Variants in PDE3A observed in about 807,000 individuals in gnomAD.
PDE3A encodes phosphodiesterase 3A, also known as cGMP-inhibited 3',5'-cyclic phosphodiesterase 3A.
A neutral mutation model predicts 98.3 loss-of-function variants in PDE3A; 43 were observed. The observed-to-expected ratio is 0.44, with a 90% confidence interval of 0.34 to 0.56. The LOEUF is 0.56. PDE3A is among the 20% of genes least tolerant of loss of function. The probability of loss-of-function intolerance (pLI) is 0.01; values close to 1 mark genes in which losing one functional copy is unlikely to be tolerated. For synonymous variants in PDE3A, 663 were observed against 567.9 expected (o/e 1.17, Z -2.38); for missense variants, 1,427 against 1,440.7 (o/e 0.99, Z 0.15).
intron 1 of PDE3A, among the ~76,000 whole-genome samples, chr12:20,474,673 T>TG (rs1945497791): frequency 6.6e-6 from 1 of 152,178 alleles, no homozygotes; most frequent in African/African-American, 2.4e-5. Flanking sequence ...GCTCCTGGCC[T>TG]CTTCCTCCAT....
Position 20,456,472 on chromosome 12 carries a change from G to C in PDE3A, c.960+86228G>C, listed in dbSNP as rs189690000. Among the ~76,000 whole-genome samples the C allele has an allele frequency of 5.9e-5, 9 of 152,200 alleles. No homozygotes were observed. In the East Asian group the frequency reaches 1.5e-3, roughly 26 times the overall value. On this transcript the variant is annotated intron_variant, in intron 1 of 15. Coordinates refer to ENST00000359062, the MANE Select transcript of PDE3A (RefSeq NM_000921.5). ...ATGCCCCAAATATTGATGGAAACAT[G>C]TATCTCTCTGTATTGCAGCATGAAC... is the stretch of plus-strand genomic sequence containing the variant.
chr12:20,394,532 T>G (rs1943973318), intron 1 of PDE3A, among the ~76,000 whole-genome samples: 1 of 152,074 alleles, frequency 6.6e-6, no homozygotes, highest in South Asian at 2.1e-4. Flanking sequence ...GCACCTGGAA[T>G]TTTTTAACTA....
chr12:20,654,025 G>C lies in PDE3A; in HGVS notation c.3004G>C (p.Glu1002Gln). 1 of 1,614,088 alleles carries C rather than the reference G, an allele frequency of 6.2e-7. No homozygotes were observed. The highest frequency in any genetic ancestry group is 8.5e-7 in the Non-Finnish European group (1 of 1,180,006). The change falls in exon 15 of 16, where the codon GAA becomes CAA. Residue 1002 changes from glutamate to glutamine, a missense_variant. By Grantham distance (29) the Glu-to-Gln change is conservative (BLOSUM62 2). Around this residue, in one of 3 missense-constraint regions of PDE3A, gnomAD observed 273 missense variants for 420.3 expected, o/e 0.65. Transcript: ENST00000359062. ...RSAPQLANLQ[E>Q]SFISHIVGPL... ...TGCTCCTCAGCTGGCCAACCTTCAG[G>C]AATCCTTCATCTCTCACATTGTGGG...
At chr12:20,667,831 A>T (rs1256055156) in intron 15 of PDE3A, among the ~76,000 whole-genome samples, 1 of 152,062 alleles carries the variant, frequency 6.6e-6, no homozygotes, top group African/African-American at 2.4e-5. Context: ...AAAAATAAAG[A>T]TTGCGGGGGA....
intron 13 of PDE3A, among the ~76,000 whole-genome samples, chr12:20,650,029 A>G (rs1038724709): frequency 6.6e-6 from 1 of 152,332 alleles, no homozygotes; most frequent in East Asian, 1.9e-4. Context: ...TTTTGTAGGT[A>G]CATGGTAGGT....
chr12:20,395,478 A>G (rs1013488763), intron 1 of PDE3A, among the ~76,000 whole-genome samples: 68 of 148,642 alleles, frequency 4.6e-4, no homozygotes, highest in East Asian at 1.4e-3. Flanking sequence ...TATACTATGT[A>G]TACACATAGT....
Position 20,423,936 on chromosome 12 carries a change from T to C in PDE3A, c.960+53692T>C, listed in dbSNP as rs370409933. On this transcript the variant is annotated intron_variant, in intron 1 of 15. Coordinates refer to ENST00000359062, the MANE Select transcript of PDE3A (RefSeq NM_000921.5). ...ATATAGAAAGAGCAGATAGTGCCTA[T>C]AGTAATAACCAAGTGAGCAATAACT... is the stretch of plus-strand genomic sequence containing the variant. Among the ~76,000 whole-genome samples the C allele has an allele frequency of 5.6e-4, 85 of 152,300 alleles. No homozygotes were observed. In the East Asian group the frequency reaches 0.015, roughly 26 times the overall value.
At chr12:20,427,794 T>G (rs775332893) in intron 1 of PDE3A, among the ~76,000 whole-genome samples, 3 of 152,102 alleles carry the variant, frequency 2.0e-5, no homozygotes, top group Non-Finnish European at 4.4e-5. Context: ...AGTCACATTT[T>G]TTTTTCTTTT....
At chr12:20,476,409 G>A (rs1196657991) in intron 1 of PDE3A, among the ~76,000 whole-genome samples, 1 of 152,198 alleles carries the variant, frequency 6.6e-6, no homozygotes, top group Non-Finnish European at 1.5e-5. Context: ...ATCTTAATAA[G>A]TAGAGATTGT....
chr12:20,525,917 T>G (rs1413570964), intron 1 of PDE3A, among the ~76,000 whole-genome samples: 1 of 152,194 alleles, frequency 6.6e-6, no homozygotes, highest in African/African-American at 2.4e-5. Flanking sequence ...TACTTGGAGA[T>G]TTGTGCTTTT....
intron 1 of PDE3A, among the ~76,000 whole-genome samples, chr12:20,519,689 A>G (rs1946387718): frequency 6.6e-6 from 1 of 152,228 alleles, no homozygotes; most frequent in Admixed American, 6.5e-5. Context: ...TGCACTAATG[A>G]ACATATGTGC....
Position 20,369,293 on chromosome 12 carries a change from G to GC in PDE3A, c.12dup (p.Gly5ArgfsTer84), listed in dbSNP as rs1428848263. ...AGAGGGCACCCTATACCATGGCAGT[G>GC]CCCGGCGACGCTGCACGAGTCAGGG... On this transcript the variant is annotated frameshift_variant, in exon 1 of 16. Transcript: ENST00000359062. LOFTEE classifies it high-confidence loss of function. 1.3e-6 allele frequency: 2 copies of GC among 1,518,968 alleles called. No individual in the cohort carries two copies. The highest frequency in any genetic ancestry group is 2.8e-5 in the African/African-American group (2 of 72,534). The allele number at this position is 1,518,968 out of a possible 1,614,324, so 94.1% of individuals were successfully genotyped here.
rs374279365 is a variant in PDE3A, at chr12:20,521,601, T to G, written c.961-35059T>G. On this transcript the variant is annotated intron_variant, in intron 1 of 15. Transcript: ENST00000359062. ...TGTAGTTTTGAAGTTTTGAGATAAA[T>G]TATTTAGAATCAAATGCTCATGGAA... Among the ~76,000 whole-genome samples, 6 of 152,208 alleles carry G rather than the reference T, an allele frequency of 3.9e-5. No individual in the cohort carries two copies. The East Asian group carries it at 1.2e-3, about 29-fold the overall frequency.
chr12:20,678,288 C>T (rs1945689372), intron 15 of PDE3A, among the ~76,000 whole-genome samples: 1 of 152,160 alleles, frequency 6.6e-6, no homozygotes, highest in Non-Finnish European at 1.5e-5. Context: ...CTTCTCTCTT[C>T]TTCCTTACCT....
chr12:20,383,163 G>T (rs1376483606), intron 1 of PDE3A, among the ~76,000 whole-genome samples: 1 of 151,798 alleles, frequency 6.6e-6, no homozygotes, highest in East Asian at 1.9e-4. Flanking sequence ...GCTTTTGAGG[G>T]TCGGTTGTGT....
chr12:20,487,933 T>C (rs1295976088), intron 1 of PDE3A, among the ~76,000 whole-genome samples: 1 of 152,202 alleles, frequency 6.6e-6, no homozygotes, highest in African/African-American at 2.4e-5. Context: ...CTCATATTGA[T>C]ATATATTCTC....
At chr12:20,666,217 G>A (rs6487129) in intron 15 of PDE3A, among the ~76,000 whole-genome samples, 76,655 of 151,804 alleles carry the variant, frequency 0.5, 20,270 homozygotes, top group East Asian at 0.73. Flanking sequence ...CATCCGCCTC[G>A]GCCTCCCAAA....
chr12:20,670,074 A>G (rs1186985239), intron 15 of PDE3A, among the ~76,000 whole-genome samples: 2 of 150,212 alleles, frequency 1.3e-5, no homozygotes, highest in Middle Eastern at 3.4e-3. Flanking sequence ...CAGACTTTAA[A>G]CCAACAAAGA....
At chr12:20,377,495 A>G (rs1943592626) in intron 1 of PDE3A, among the ~76,000 whole-genome samples, 1 of 151,814 alleles carries the variant, frequency 6.6e-6, no homozygotes, top group Admixed American at 6.6e-5. Context: ...AAATAGACAC[A>G]GGTGGCTAAT....
Sources: allele counts gnomAD v4.1 joint callset (sites outside exome capture counted in the v4.1 genomes callset), GRCh38; gene constraint gnomAD v4.1.1; regional missense constraint gnomAD v4.1.1; transcripts MANE v1.5; gene names NCBI Gene and HGNC (gene_info 2026-07-23, HGNC 2026-07-21).